PTPRD: variants seen among roughly 807,000 people sequenced by gnomAD.
PTPRD encodes the protein protein tyrosine phosphatase receptor type D, also known as receptor-type tyrosine-protein phosphatase delta.
PTPRD carries 34 observed loss-of-function variants against 214.5 expected under a neutral mutation model. That is an observed-to-expected ratio of 0.16 (90% confidence interval 0.12 to 0.21). PTPRD has a LOEUF of 0.21. PTPRD is among the 10% of genes least tolerant of loss of function. PTPRD has a pLI of 1.00. For missense variants in PTPRD, 2,545 were observed against 2,398.7 expected (o/e 1.06, Z -1.27); for synonymous variants, 1,128 against 845.7 (o/e 1.33, Z -5.79).
intron 35 of PTPRD, among the ~76,000 whole-genome samples, chr9:8,414,912 G>C (rs2093792633): frequency 8.4e-6 from 1 of 119,254 alleles, no homozygotes; most frequent in Non-Finnish European, 1.7e-5. Flanking sequence ...GGGGAGGGAG[G>C]GGGAGAGAGA....
At chr9:10,093,158 C>T (rs1325449665) in intron 3 of PTPRD, among the ~76,000 whole-genome samples, 1 of 151,424 alleles carries the variant, frequency 6.6e-6, no homozygotes, top group African/African-American at 2.4e-5. Context: ...AAAGAGTAAA[C>T]AGAAAACCTA....
chr9:9,125,371 G>C (rs1008258810), intron 10 of PTPRD, among the ~76,000 whole-genome samples: 1 of 152,100 alleles, frequency 6.6e-6, no homozygotes, highest in African/African-American at 2.4e-5. Flanking sequence ...GAATTACCTT[G>C]TGTGAAGGCT....
Position 9,124,310 on chromosome 9 carries a change from T to C in PTPRD, c.-143+58994A>G, listed in dbSNP as rs560474098. Among the ~76,000 whole-genome samples, 4 of 152,308 alleles carry C rather than the reference T, an allele frequency of 2.6e-5. No homozygotes were observed. The South Asian group carries it at 8.3e-4, about 32-fold the overall frequency. On this transcript the variant is annotated intron_variant, in intron 10 of 45. Coordinates refer to ENST00000381196, the MANE Select transcript of PTPRD (RefSeq NM_002839.4). The stretch of plus-strand genomic sequence containing the variant: ...GTGTTACTTACATATATTAGTAAGA[T>C]TCTTTCTAACTATCTATCTATCTAA...
At chr9:9,670,244 C>T (rs188518545) in intron 7 of PTPRD, among the ~76,000 whole-genome samples, 29 of 152,176 alleles carry the variant, frequency 1.9e-4, no homozygotes, top group Admixed American at 1.8e-3. Flanking sequence ...TGTGTCCCCA[C>T]CCAAATCTCA....
intron 3 of PTPRD, among the ~76,000 whole-genome samples, chr9:10,115,768 G>C (rs964555612): frequency 1.3e-5 from 2 of 152,054 alleles, no homozygotes; most frequent in African/African-American, 4.8e-5. Flanking sequence ...ATATAACAGA[G>C]TTATTGACAT....
intron 8 of PTPRD, among the ~76,000 whole-genome samples, chr9:9,457,766 C>T (rs542360691): frequency 8.3e-4 from 123 of 147,564 alleles, no homozygotes; most frequent in African/African-American, 3.0e-3. Context: ...ATGTTTTCCC[C>T]CAAATACAGG....
At chr9:9,057,000 C>T (rs963514614) in intron 10 of PTPRD, among the ~76,000 whole-genome samples, 7 of 152,164 alleles carry the variant, frequency 4.6e-5, no homozygotes, top group Non-Finnish European at 1.0e-4. Flanking sequence ...TTTGCAGTCT[C>T]ATCTTAATTT....
At chr9:9,630,604 C>T (rs1189717995) in intron 7 of PTPRD, among the ~76,000 whole-genome samples, 1 of 151,964 alleles carries the variant, frequency 6.6e-6, no homozygotes, top group African/African-American at 2.4e-5. Context: ...GAGTAAAATG[C>T]CATTTAAAAG....
chr9:9,929,481 C>A (rs1334893125), intron 5 of PTPRD, among the ~76,000 whole-genome samples: 1 of 152,186 alleles, frequency 6.6e-6, no homozygotes, highest in Non-Finnish European at 1.5e-5. Context: ...GCAACCTCTG[C>A]CTCCTGGGTT....
chr9:10,567,143 C>T (rs577422338), intron 2 of PTPRD, among the ~76,000 whole-genome samples: 1 of 152,160 alleles, frequency 6.6e-6, no homozygotes, highest in South Asian at 2.1e-4. Context: ...TCTCAGTGAA[C>T]TACCAGTGCC....
Position 10,230,032 on chromosome 9 carries a change from G to A in PTPRD, c.-545+110931C>T, listed in dbSNP as rs150110004. ...TAGCACATTTCAATTCTCAAGTTAG[G>A]CTCTTGATATTAATACCTTTCATGT... On this transcript the variant is annotated intron_variant, in intron 3 of 45. Transcript: ENST00000381196. 2.3e-4 allele frequency among the ~76,000 whole-genome samples: 35 copies of A among 152,056 alleles called. 2 individuals carry two copies. In the East Asian group the frequency reaches 6.2e-3, roughly 27 times the overall value.
At chr9:10,230,444 C>CTATCTATGTATCTATG (rs1554901482) in intron 3 of PTPRD, among the ~76,000 whole-genome samples, 3 of 122,346 alleles carry the variant, frequency 2.5e-5, no homozygotes, top group Non-Finnish European at 5.8e-5. Flanking sequence ...ATGTATCTAT[C>CTATCTATGTATCTATG]TATCTATCTA....
chr9:10,152,449 T>C lies in PTPRD; in HGVS notation c.-544-118659A>G, dbSNP rs151028691. Among the ~76,000 whole-genome samples, 80 of 152,320 alleles carry C rather than the reference T, an allele frequency of 5.3e-4. No homozygotes were observed. In the East Asian group the frequency reaches 0.014, roughly 28 times the overall value. The stretch of plus-strand genomic sequence containing the variant: ...ATATGTGATTCACAAATATTTTCTC[T>C]TAGTTTTATCGTCATATTCTCTTAA... On this transcript the variant is annotated intron_variant, in intron 3 of 45. Coordinates refer to ENST00000381196, the MANE Select transcript of PTPRD (RefSeq NM_002839.4).
chr9:10,149,920 G>A (rs981735266), intron 3 of PTPRD, among the ~76,000 whole-genome samples: 1 of 151,798 alleles, frequency 6.6e-6, no homozygotes, highest in African/African-American at 2.4e-5. Flanking sequence ...TAGTAGAGAT[G>A]GGGTTTCACC....
intron 2 of PTPRD, among the ~76,000 whole-genome samples, chr9:10,548,871 T>G (rs547725158): frequency 6.6e-6 from 1 of 152,278 alleles, no homozygotes; most frequent in East Asian, 1.9e-4. Context: ...GAAATGGAAA[T>G]GATCTTTAGG....
chr9:10,405,040 C>A (rs185041682), intron 2 of PTPRD, among the ~76,000 whole-genome samples: 187 of 6,826 alleles, frequency 0.027, 73 homozygotes, highest in African/African-American at 0.042. Context: ...AATTTCATCC[C>A]TTCTTGCTTG....
At chr9:10,057,855 A>AC (rs557520676) in intron 3 of PTPRD, among the ~76,000 whole-genome samples, 4 of 141,284 alleles carry the variant, frequency 2.8e-5, no homozygotes, top group Non-Finnish European at 6.2e-5. Flanking sequence ...AAAAAACAAA[A>AC]AAAAAACAAA....
At chr9:9,453,747 T>C (rs1192023562) in intron 8 of PTPRD, among the ~76,000 whole-genome samples, 4 of 151,756 alleles carry the variant, frequency 2.6e-5, no homozygotes, top group African/African-American at 7.2e-5. Flanking sequence ...CTGACATTTT[T>C]GGATTTAAGG....
At chr9:8,930,833 T>C (rs1438639865) in intron 11 of PTPRD, among the ~76,000 whole-genome samples, 1 of 152,178 alleles carries the variant, frequency 6.6e-6, no homozygotes, top group Non-Finnish European at 1.5e-5. Context: ...GTAAATTTGT[T>C]TGAGTTCTTT....
Sources: allele counts gnomAD v4.1 joint callset (sites outside exome capture counted in the v4.1 genomes callset), GRCh38; gene constraint gnomAD v4.1.1; transcripts MANE v1.5; gene names NCBI Gene and HGNC (gene_info 2026-07-23, HGNC 2026-07-21).